Variants in ARHGAP18 observed in about 807,000 individuals in gnomAD.
The protein encoded by ARHGAP18 is Rho GTPase activating protein 18.
Under a neutral mutation model 86.2 loss-of-function variants are expected in ARHGAP18, and 67 were observed. The observed-to-expected ratio is 0.78, with a 90% CI of 0.64 to 0.95. The LOEUF is 0.95. Among genes scored for constraint, ARHGAP18 ranks in the 40% least tolerant of loss-of-function variants. The probability of loss-of-function intolerance (pLI) is 0.00; values close to 1 mark genes in which losing one functional copy is unlikely to be tolerated. For synonymous variants in ARHGAP18, 283 were observed against 280.4 expected, an observed-to-expected ratio of 1.01 and a Z score of -0.09; for missense variants, 691 against 780.4, an observed-to-expected ratio of 0.89 and a Z score of 1.37.
intron 1 of ARHGAP18, among the ~76,000 whole-genome samples, chr6:129,668,399 C>CACACACACAG (rs1562718322): frequency 7.4e-6 from 1 of 135,404 alleles, no homozygotes; most frequent in African/African-American, 2.5e-5. Context: ...CACACACACA[C>CACACACACAG]AGACACACAC....
chr6:129,697,111 G>C (rs557598290), intron 1 of ARHGAP18, among the ~76,000 whole-genome samples: 1 of 152,188 alleles, frequency 6.6e-6, no homozygotes, highest in Non-Finnish European at 1.5e-5. Flanking sequence ...AAGAATGTCA[G>C]AAGTCTGATT....
At chr6:129,677,699 T>C (rs1774260472) in intron 1 of ARHGAP18, among the ~76,000 whole-genome samples, 1 of 152,234 alleles carries the variant, frequency 6.6e-6, no homozygotes, top group South Asian at 2.1e-4. Flanking sequence ...GGCTACACTA[T>C]TTCTCAGAAT....
chr6:129,656,059 A>G (rs1475612894), intron 1 of ARHGAP18, among the ~76,000 whole-genome samples: 1 of 152,264 alleles, frequency 6.6e-6, no homozygotes, highest in Non-Finnish European at 1.5e-5. Context: ...GCTTGTTAAT[A>G]ATAAACAGAT....
At chr6:129,589,721 G>C (rs559208472) in intron 12 of ARHGAP18, among the ~76,000 whole-genome samples, 10 of 152,220 alleles carry the variant, frequency 6.6e-5, no homozygotes, top group Non-Finnish European at 1.0e-4. Context: ...TATTAGTCGT[G>C]GTTCTTGAAA....
intron 6 of ARHGAP18, among the ~76,000 whole-genome samples, chr6:129,616,582 CAG>C (rs1339287580): frequency 6.6e-6 from 1 of 152,114 alleles, no homozygotes; most frequent in Admixed American, 6.5e-5. Context: ...ATAAGAGAAA[CAG>C]AGGGCTGTGA....
chr6:129,691,046 T>G (rs540819298), intron 1 of ARHGAP18, among the ~76,000 whole-genome samples: 19 of 152,326 alleles, frequency 1.2e-4, no homozygotes, highest in African/African-American at 4.1e-4. Flanking sequence ...ATCCTTTGAG[T>G]AATACAATGC....
At chr6:129,681,626 CT>C (rs912846113) in intron 1 of ARHGAP18, among the ~76,000 whole-genome samples, 1 of 152,122 alleles carries the variant, frequency 6.6e-6, no homozygotes, top group East Asian at 1.9e-4. Flanking sequence ...GAGCTATTAA[CT>C]TTTTTTTGCT....
Position 129,576,769 on chromosome 6 carries a change from G to A in ARHGAP18, c.*1744C>T, listed in dbSNP as rs1309154869. 2.0e-5 allele frequency: 3 copies of A among 151,660 alleles called. No individual in the cohort carries two copies. Among genetic ancestry groups the A allele is most frequent in the African/African-American group, 7.3e-5 (3 of 41,270 alleles). The allele number at this position is 151,660 out of a possible 1,614,324, so 9.4% of individuals were successfully genotyped here. A position where few individuals can be genotyped will look rare whatever the true frequency, so the allele number is the denominator to read the frequency against. On this transcript the variant is annotated 3_prime_UTR_variant, in exon 15 of 15. Transcript: ENST00000368149. ...GTTGTATACTCCTAAAATGTTTTAA[G>A]CACTTAATTTTTCTTTTATATTATT...
chr6:129,705,901 T>G (rs754129297), intron 1 of ARHGAP18, among the ~76,000 whole-genome samples: 1 of 152,116 alleles, frequency 6.6e-6, no homozygotes, highest in Admixed American at 6.5e-5. Context: ...CCCAGACAGG[T>G]TGGCCCCAGA....
intron 8 of ARHGAP18, among the ~76,000 whole-genome samples, chr6:129,609,284 G>A (rs1788928526): frequency 6.6e-6 from 1 of 152,132 alleles, no homozygotes; most frequent in African/African-American, 2.4e-5. Flanking sequence ...ATTTATAATG[G>A]ACCAGCTGCT....
chr6:129,667,063 T>C (rs1774053600), intron 1 of ARHGAP18, among the ~76,000 whole-genome samples: 1 of 152,196 alleles, frequency 6.6e-6, no homozygotes, highest in African/African-American at 2.4e-5. Context: ...TTTCACAATA[T>C]TGAAGCACTT....
intron 1 of ARHGAP18, chr6:129,662,022 C>A: frequency 1.6e-6 from 1 of 626,696 alleles, no homozygotes; most frequent in Non-Finnish European, 2.0e-6. Flanking sequence ...CCAAGGGCCC[C>A]TCCCAAGATC....
intron 12 of ARHGAP18, among the ~76,000 whole-genome samples, chr6:129,593,682 T>C (rs1305235404): frequency 4.6e-5 from 7 of 152,058 alleles, no homozygotes; most frequent in African/African-American, 1.7e-4. Flanking sequence ...GTGTGTGTTA[T>C]CAATCCCGAC....
chr6:129,647,379 T>TAC (rs1562709382), intron 1 of ARHGAP18, among the ~76,000 whole-genome samples: 1 of 152,198 alleles, frequency 6.6e-6, no homozygotes, highest in East Asian at 1.9e-4. Flanking sequence ...TTGTGTTCCC[T>TAC]ACCCTGTTTA....
At chr6:129,586,839 A>G (rs1355336886) in intron 12 of ARHGAP18, among the ~76,000 whole-genome samples, 1 of 152,074 alleles carries the variant, frequency 6.6e-6, no homozygotes, top group Non-Finnish European at 1.5e-5. Flanking sequence ...AAGCTTTCCT[A>G]TCTTTGTGTA....
chr6:129,656,698 G>A (rs775129432), intron 1 of ARHGAP18, among the ~76,000 whole-genome samples: 1 of 152,036 alleles, frequency 6.6e-6, no homozygotes, highest in Non-Finnish European at 1.5e-5. Context: ...ACAGTAAGAG[G>A]AGGTGAGAAG....
At chr6:129,668,426 T>G (rs1287976137) in intron 1 of ARHGAP18, among the ~76,000 whole-genome samples, 1 of 146,878 alleles carries the variant, frequency 6.8e-6, no homozygotes, top group Non-Finnish European at 1.5e-5. Flanking sequence ...AAAAACAGTC[T>G]ATGGACTCAG....
At chr6:129,599,421 A>T in intron 11 of ARHGAP18, 65 bp from the exon 12 acceptor site, 1 of 1,308,150 alleles carries the variant, frequency 7.6e-7, no homozygotes, top group East Asian at 2.8e-5. Flanking sequence ...ACTACAAAAA[A>T]AAATTATATT....
At chr6:129,632,133 G>T (rs890668586) in intron 4 of ARHGAP18, among the ~76,000 whole-genome samples, 7 of 152,148 alleles carry the variant, frequency 4.6e-5, no homozygotes, top group African/African-American at 1.7e-4. Context: ...ATGTTTCCAT[G>T]CATTTCATCC....
Sources: gnomAD v4.1 joint callset for allele counts (sites outside exome capture counted in the v4.1 genomes callset) on GRCh38, gnomAD v4.1.1 for gene constraint, MANE v1.5 for transcripts, NCBI Gene and HGNC (gene_info 2026-07-23, HGNC 2026-07-21) for gene names.